ANK2: variants seen among roughly 807,000 people sequenced by gnomAD.
ANK2 encodes the protein ankyrin-2.
ANK2 carries 83 observed loss-of-function variants against 360.5 expected under a neutral mutation model. That is an observed-to-expected ratio of 0.23 (90% CI 0.19 to 0.28). The LOEUF is 0.28. ANK2 is among the 10% of genes least tolerant of loss of function. The pLI, the probability that ANK2 is intolerant of heterozygous loss-of-function variation, is 1.00. For missense variants in ANK2, 4,201 were observed against 4,795.7 expected (o/e 0.88, Z 3.66); for synonymous variants, 1,740 against 1,759.5 (o/e 0.99, Z 0.28).
At chr4:112,926,993 C>T (rs997629076) in intron 2 of ANK2, among the ~76,000 whole-genome samples, 1 of 152,098 alleles carries the variant, frequency 6.6e-6, no homozygotes, top group Admixed American at 6.6e-5. Context: ...AAACACATGG[C>T]AGCAGGAAGG....
chr4:112,795,940 T>C, the ANK2 span, among the ~76,000 whole-genome samples: 1 of 151,164 alleles, frequency 6.6e-6, no homozygotes, highest in Non-Finnish European at 1.5e-5. Flanking sequence ...GCTGGGACTA[T>C]AGGTGTACAC....
chr4:113,095,403 A>G (rs1378892515), intron 1 of ANK2, among the ~76,000 whole-genome samples: 1 of 152,204 alleles, frequency 6.6e-6, no homozygotes, highest in East Asian at 1.9e-4. Flanking sequence ...CTATATGAGT[A>G]AAAATTGTTA....
chr4:112,924,837 CTTTTT>C (rs199974647), intron 2 of ANK2, among the ~76,000 whole-genome samples: 2 of 131,972 alleles, frequency 1.5e-5, no homozygotes, highest in African/African-American at 2.8e-5. Flanking sequence ...ATATTTATTA[CTTTTT>C]TTTTTTTTTT....
chr4:113,136,191 A>G (rs2096397526), intron 1 of ANK2, among the ~76,000 whole-genome samples: 1 of 152,200 alleles, frequency 6.6e-6, no homozygotes, highest in East Asian at 1.9e-4. Context: ...AATAAAATAC[A>G]GTGTCTGTTC....
chr4:112,780,692 C>T, the ANK2 span, among the ~76,000 whole-genome samples: 24 of 151,942 alleles, frequency 1.6e-4, no homozygotes, highest in African/African-American at 5.8e-4. Context: ...AGGAAACTTA[C>T]AATCATGGCG....
At chr4:112,913,029 G>A (rs2088253923) in intron 2 of ANK2, among the ~76,000 whole-genome samples, 1 of 152,058 alleles carries the variant, frequency 6.6e-6, no homozygotes, top group Admixed American at 6.6e-5. Context: ...GTTATAATAT[G>A]TAGATGATTG....
Position 113,167,279 on chromosome 4 carries a change from C to T in ANK2, c.85-7137C>T, listed in dbSNP as rs181863637. On this transcript the variant is annotated intron_variant, in intron 1 of 45. Coordinates refer to ENST00000357077, the MANE Select transcript of ANK2 (RefSeq NM_001148.6). The stretch of plus-strand genomic sequence containing the variant: ...AATTTTTTATAAAGATGGGTTCTCA[C>T]TCTGTTGCCTAAACTAGGGTCACCT... Among the ~76,000 whole-genome samples, 69 of 150,150 alleles carry T rather than the reference C, an allele frequency of 4.6e-4. 1 individual carries two copies. Among genetic ancestry groups the T allele is most frequent in the Admixed American group, 1.9e-3 (29 of 15,088 alleles).
chr4:113,251,020 A>G (rs2046054266), intron 10 of ANK2, among the ~76,000 whole-genome samples: 1 of 152,096 alleles, frequency 6.6e-6, no homozygotes, highest in Non-Finnish European at 1.5e-5. Context: ...TCATACCTAT[A>G]CTGTGAATGT....
intron 1 of ANK2, among the ~76,000 whole-genome samples, chr4:112,874,003 A>G (rs771959544): frequency 6.6e-6 from 1 of 152,030 alleles, no homozygotes. Context: ...AACATTTGAG[A>G]AAGTTTCCAG....
chr4:112,735,693 A>T, the ANK2 span, among the ~76,000 whole-genome samples: 1 of 152,088 alleles, frequency 6.6e-6, no homozygotes, highest in African/African-American at 2.4e-5. Flanking sequence ...AAATTGTGGT[A>T]AAAAAACATA....
intron 2 of ANK2, among the ~76,000 whole-genome samples, chr4:113,005,474 A>T (rs2052495479): frequency 6.6e-6 from 1 of 152,186 alleles, no homozygotes. Flanking sequence ...AAGTGAAATA[A>T]GTCAGGCACA....
At chr4:113,170,585 C>G (rs2097909788) in intron 1 of ANK2, among the ~76,000 whole-genome samples, 1 of 152,104 alleles carries the variant, frequency 6.6e-6, no homozygotes, top group East Asian at 1.9e-4. Flanking sequence ...AACGTAAGCA[C>G]AGAATTAAAG....
chr4:112,754,159 G>T, the ANK2 span, among the ~76,000 whole-genome samples: 1 of 132,576 alleles, frequency 7.5e-6, no homozygotes, highest in South Asian at 2.4e-4. Flanking sequence ...AAAATTGCAT[G>T]GGGATATATA....
Position 113,367,775 on chromosome 4 carries a change from C to A in ANK2, c.11242C>A (p.Gln3748Lys), listed in dbSNP as rs758624781. The change falls in exon 42 of 46, where the codon CAA becomes AAA. Residue 3748 changes from glutamine to lysine, a missense_variant. By Grantham distance (53) the Gln-to-Lys change is moderately conservative. Transcript: ENST00000357077. ...ACTCTTTCCCCAAACTCACAAGGAG[C>A]AAGTTCAACAGGATTTCTCAGGGAA... ...TALFPQTHKE[Q>K]VQQDFSGKMQ... 3 of 1,614,018 alleles carry A rather than the reference C, an allele frequency of 1.9e-6. No homozygotes were observed. The highest frequency in any genetic ancestry group is 1.7e-6 in the Non-Finnish European group (2 of 1,179,984).
intron 1 of ANK2, chr4:113,117,252 G>A (rs1259280328): frequency 4.4e-6 from 2 of 454,942 alleles, no homozygotes; most frequent in Admixed American, 2.4e-5. Context: ...AGTGGAAACT[G>A]ATCCTCTGCT....
chr4:113,055,505 A>C (rs1439137072), intron 1 of ANK2, among the ~76,000 whole-genome samples: 1 of 152,230 alleles, frequency 6.6e-6, no homozygotes, highest in Non-Finnish European at 1.5e-5. Context: ...AGAATCTTTA[A>C]TTTTGATTAG....
At chr4:112,971,512 C>A (rs2039515717) in intron 2 of ANK2, among the ~76,000 whole-genome samples, 1 of 152,122 alleles carries the variant, frequency 6.6e-6, no homozygotes, top group Non-Finnish European at 1.5e-5. Flanking sequence ...AGTACGTAGG[C>A]TATAAGGGCA....
chr4:112,826,386 G>T (rs2058412481), intron 1 of ANK2: 3 of 1,004,964 alleles, frequency 3.0e-6, no homozygotes, highest in Non-Finnish European at 4.5e-6. Context: ...TGAAAAGCCA[G>T]TTGTCCCTGG....
At chr4:113,248,001 G>A (rs2043974113) in intron 9 of ANK2, among the ~76,000 whole-genome samples, 1 of 152,102 alleles carries the variant, frequency 6.6e-6, no homozygotes. Flanking sequence ...GCTCCTATCT[G>A]GCAAATTTTA....
Sources: gnomAD v4.1 joint callset for allele counts (sites outside exome capture counted in the v4.1 genomes callset) on GRCh38, gnomAD v4.1.1 for gene constraint, MANE v1.5 for transcripts, NCBI Gene and HGNC (gene_info 2026-07-23, HGNC 2026-07-21) for gene names.